Variants in CBX7 observed in about 807,000 individuals in gnomAD.
CBX7 encodes chromobox 7, also known as chromobox protein homolog 7.
In CBX7, 14 loss-of-function variants were observed where a neutral mutation model predicts 31.4. The ratio of observed to expected loss-of-function variants is 0.45; its 90% CI spans 0.29 to 0.70. CBX7 has a LOEUF of 0.70. Among genes scored for constraint, CBX7 ranks in the 30% least tolerant of loss-of-function variants. The pLI is 0.11. For missense variants in CBX7, 269 were observed against 351.9 expected (o/e 0.76, Z 1.89); for synonymous variants, 159 against 152.6 (o/e 1.04, Z -0.31).
intron 2 of CBX7, chr22:39,148,130 G>C (rs577176588): frequency 6.6e-6 from 1 of 152,444 alleles, no homozygotes; most frequent in Admixed American, 6.5e-5. Context: ...GACCAAAGTG[G>C]AGGGGGGTGA....
intron 2 of CBX7, among the ~76,000 whole-genome samples, chr22:39,142,541 T>C (rs1181308488): frequency 1.3e-5 from 2 of 152,232 alleles, no homozygotes; most frequent in Non-Finnish European, 2.9e-5. Flanking sequence ...CCCTGTGATG[T>C]CAGCGCAGCG....
At chr22:39,149,394 C>A in intron 2 of CBX7, 2 of 274,258 alleles carry the variant, frequency 7.3e-6, no homozygotes, top group Non-Finnish European at 7.0e-6. Context: ...GGCCACACAG[C>A]ACTGAGGACT....
intron 4 of CBX7, chr22:39,134,956 GC>G (rs1930200946): frequency 1.8e-6 from 1 of 553,784 alleles, no homozygotes; most frequent in Admixed American, 3.4e-5. Flanking sequence ...GGCCAGCTCA[GC>G]CCTGCCTCTG....
intron 2 of CBX7, among the ~76,000 whole-genome samples, chr22:39,142,299 G>A (rs1034571782): frequency 4.6e-5 from 7 of 151,982 alleles, no homozygotes; most frequent in Admixed American, 1.3e-4. Flanking sequence ...GTTCCTCCCC[G>A]CCCTCCAAAC....
intron 4 of CBX7, among the ~76,000 whole-genome samples, chr22:39,138,041 C>A (rs1930315075): frequency 6.6e-6 from 1 of 152,042 alleles, no homozygotes; most frequent in African/African-American, 2.4e-5. Flanking sequence ...TTTAGCCAGG[C>A]GTGGTGGCGG....
chr22:39,139,011 C>T (rs1457130598), intron 3 of CBX7, among the ~76,000 whole-genome samples: 2 of 152,166 alleles, frequency 1.3e-5, no homozygotes, highest in Non-Finnish European at 2.9e-5. Flanking sequence ...TCTACGTGCT[C>T]CTAAGGACCC....
Position 39,152,452 on chromosome 22 carries a change from G to C in CBX7, c.-8C>G. The C allele has an allele frequency of 8.4e-7, 1 of 1,194,600 alleles. No individual in the cohort carries two copies. 74.0% of individuals were successfully genotyped at this position (1,194,600 alleles called of 1,614,324 possible). A position where few individuals can be genotyped will look rare whatever the true frequency, so the allele number is the denominator to read the frequency against. The stretch of plus-strand genomic sequence containing the variant: ...GATGGCTGACAGCTCCATGCGGGGC[G>C]GCGGGCGAGCGGGCCCGGGGCCGGG... On this transcript the variant is annotated 5_prime_UTR_variant, in exon 1 of 6. Transcript: ENST00000216133. The surrounding 1 kb of genome is among the most constrained non-coding windows in gnomAD (Gnocchi z 4.9).
At chr22:39,151,101 C>T (rs533170528) in intron 1 of CBX7, among the ~76,000 whole-genome samples, 1 of 152,212 alleles carries the variant, frequency 6.6e-6, no homozygotes, top group South Asian at 2.1e-4. Context: ...GAATGATGAT[C>T]TCGCCCTCTT....
intron 5 of CBX7, 69 bp from the exon 6 acceptor site, chr22:39,134,117 G>C (rs573775730): frequency 5.7e-5 from 83 of 1,460,438 alleles, no homozygotes; most frequent in Non-Finnish European, 6.7e-5. Context: ...CACCCAACCC[G>C]ACCCCAACTC....
rs758446599 is a variant in CBX7 at position 39,134,493 on chromosome 22, C to T, written c.506G>A (p.Arg169Gln). 6.2e-7 allele frequency: 1 copy of T among 1,611,494 alleles called. No individual in the cohort carries two copies. The highest frequency in any genetic ancestry group is 8.5e-7 in the Non-Finnish European group (1 of 1,179,844). Residue 169 changes from arginine to glutamine, a missense_variant, in exon 5 of 6, where the codon CGA (arginine) becomes CAA (glutamine). Physicochemically the swap from Arg to Gln is conservative, Grantham distance 43 (BLOSUM62 1). Transcript: ENST00000216133. ...RGPNLESHSH[R>Q]RELFLQEPPA... is the part of the protein sequence containing the mutation. ...TGGCTCCTGCAGGAAGAGCTCCCGT[C>T]GATGGCTGTGGCTCTCCAGGTTGGG...
At chr22:39,146,710 T>C (rs1930673405) in intron 2 of CBX7, among the ~76,000 whole-genome samples, 1 of 152,250 alleles carries the variant, frequency 6.6e-6, no homozygotes, top group African/African-American at 2.4e-5. Flanking sequence ...AAAGAGTCAA[T>C]GCCTGATTCA....
chr22:39,137,512 C>A (rs1286528778), intron 4 of CBX7, among the ~76,000 whole-genome samples: 1 of 152,074 alleles, frequency 6.6e-6, no homozygotes, highest in Non-Finnish European at 1.5e-5. Context: ...CCATCCCCAG[C>A]TAATTTTTGT....
intron 2 of CBX7, among the ~76,000 whole-genome samples, chr22:39,142,761 A>ATTAAAAACAATATAT: frequency 6.6e-6 from 1 of 152,220 alleles, no homozygotes; most frequent in African/African-American, 2.4e-5. Flanking sequence ...AAAACAATAT[A>ATTAAAAACAATATAT]TGTACAGTCA....
Position 39,133,841 on chromosome 22 carries a change from C to A in CBX7, c.*50G>T. ...CCAACCCATCCCTATCTCTGGAAGTCCCACCCCAAGCCCAAAAGAAAACAG... is the reference window on the plus strand; with the variant it reads ...CCAACCCATCCCTATCTCTGGAAGTACCACCCCAAGCCCAAAAGAAAACAG... On this transcript the variant is annotated 3_prime_UTR_variant, in exon 6 of 6. Transcript: ENST00000216133. The A allele has an allele frequency of 1.3e-6, 2 of 1,495,622 alleles. No homozygotes were observed. The highest frequency in any genetic ancestry group is 1.3e-5 in the South Asian group (1 of 77,058). 92.6% of individuals were successfully genotyped at this position (1,495,622 alleles called of 1,614,324 possible).
chr22:39,142,233 C>G (rs893225653), intron 2 of CBX7, among the ~76,000 whole-genome samples: 3 of 152,182 alleles, frequency 2.0e-5, no homozygotes, highest in African/African-American at 7.2e-5. Flanking sequence ...GAGGGTGTTA[C>G]AAGAGTAACA....
At chr22:39,145,750 G>A (rs1262313974) in intron 2 of CBX7, among the ~76,000 whole-genome samples, 1 of 150,972 alleles carries the variant, frequency 6.6e-6, no homozygotes, top group Non-Finnish European at 1.5e-5. Flanking sequence ...GACAGGGACG[G>A]CGCGCGCCGG....
intron 1 of CBX7, among the ~76,000 whole-genome samples, chr22:39,151,903 C>A (rs1191721353): frequency 6.6e-6 from 1 of 151,500 alleles, no homozygotes; most frequent in Admixed American, 6.6e-5. Context: ...GGGGCAGGAT[C>A]GGAAAAGGCC....
At chr22:39,134,141 C>T in intron 5 of CBX7, 93 bp from the exon 6 acceptor site, 1 of 1,331,862 alleles carries the variant, frequency 7.5e-7, no homozygotes. Context: ...CTCCTCCTCT[C>T]TGTGTCTTCA....
At chr22:39,151,774 T>TG (rs946619098) in intron 1 of CBX7, among the ~76,000 whole-genome samples, 13 of 124,508 alleles carry the variant, frequency 1.0e-4, no homozygotes, top group African/African-American at 3.0e-4. Flanking sequence ...AGAAGGCAGA[T>TG]GGGGTAGGAG....
Sources: allele counts gnomAD v4.1 joint callset (sites outside exome capture counted in the v4.1 genomes callset), GRCh38; gene constraint gnomAD v4.1.1; non-coding constraint Gnocchi (gnomAD v3.1); transcripts MANE v1.5; gene names NCBI Gene and HGNC (gene_info 2026-07-23, HGNC 2026-07-21).